The following GLIS1 variants were observed in gnomAD, a reference collection of about 807,000 sequenced individuals.
GLIS1 encodes the protein GLIS family zinc finger 1.
Under a neutral mutation model 63.8 loss-of-function variants are expected in GLIS1, and 24 were observed. The ratio of observed to expected loss-of-function variants is 0.38; its 90% CI spans 0.27 to 0.53. The LOEUF is 0.53. GLIS1 is among the 20% of genes least tolerant of loss of function. The pLI is 0.85. For missense variants in GLIS1, 1,036 were observed against 1,074.1 expected, an observed-to-expected ratio of 0.96 and a Z score of 0.50; for synonymous variants, 450 against 482.5, an observed-to-expected ratio of 0.93 and a Z score of 0.88.
chr1:53,566,566 A>T (rs1209824618), intron 4 of GLIS1, among the ~76,000 whole-genome samples: 1 of 152,258 alleles, frequency 6.6e-6, no homozygotes, highest in Non-Finnish European at 1.5e-5. Flanking sequence ...GGAAAATGAC[A>T]AACCTCTGAT....
chr1:53,714,567 T>C (rs1646678566), intron 2 of GLIS1, among the ~76,000 whole-genome samples: 1 of 152,240 alleles, frequency 6.6e-6, no homozygotes, highest in Non-Finnish European at 1.5e-5. Context: ...GTCTGAAAGA[T>C]GGTCCCCATC....
At position 53,653,844 on chromosome 1, in the gene GLIS1, C is replaced by G. The variant is rs1289011594; in HGVS notation, c.260-53566G>C. On this transcript the variant is annotated intron_variant, in intron 2 of 10. Coordinates refer to ENST00000628545, the MANE Select transcript of GLIS1 (RefSeq NM_001367484.1). ...CATGCATCTCCTGATCCCTGGCCCTCCTCTGGCCCCCACCCTACAGGCTGC... is the reference window on the plus strand; with the variant it reads ...CATGCATCTCCTGATCCCTGGCCCTGCTCTGGCCCCCACCCTACAGGCTGC... 2.6e-5 allele frequency among the ~76,000 whole-genome samples: 4 copies of G among 152,332 alleles called. No homozygotes were observed. The East Asian group carries it at 5.8e-4, about 22-fold the overall frequency.
intron 4 of GLIS1, among the ~76,000 whole-genome samples, chr1:53,551,799 G>A (rs759622355): frequency 2.6e-5 from 4 of 152,008 alleles, no homozygotes; most frequent in South Asian, 2.1e-4. Flanking sequence ...TGTGCCCACC[G>A]CCTTCCCTGG....
chr1:53,651,247 G>A (rs1354880395), intron 2 of GLIS1, among the ~76,000 whole-genome samples: 2 of 152,176 alleles, frequency 1.3e-5, no homozygotes, highest in African/African-American at 4.8e-5. Context: ...TGTGGAAGTC[G>A]TTTTCTACTA....
At chr1:53,719,693 T>C (rs1646734196) in intron 2 of GLIS1, among the ~76,000 whole-genome samples, 1 of 150,166 alleles carries the variant, frequency 6.7e-6, no homozygotes, top group African/African-American at 2.5e-5. Flanking sequence ...GGGGGTGGAG[T>C]GGGAGTTGAA....
intron 2 of GLIS1, among the ~76,000 whole-genome samples, chr1:53,659,703 C>T (rs538045982): frequency 3.5e-4 from 54 of 152,296 alleles, no homozygotes; most frequent in Admixed American, 3.3e-3. Context: ...AGGGGCTGAG[C>T]GCCTGGACCC....
At chr1:53,632,721 G>A (rs1285264141) in intron 2 of GLIS1, among the ~76,000 whole-genome samples, 3 of 150,468 alleles carry the variant, frequency 2.0e-5, no homozygotes, top group African/African-American at 7.4e-5. Context: ...GTGTGACTGA[G>A]GGGCATGTAT....
At chr1:53,590,160 T>A (rs1645174434) in intron 4 of GLIS1, among the ~76,000 whole-genome samples, 1 of 152,178 alleles carries the variant, frequency 6.6e-6, no homozygotes, top group South Asian at 2.1e-4. Flanking sequence ...CTCCCTTACA[T>A]CATCTCTTTT....
chr1:53,640,900 G>A (rs1645780441), intron 2 of GLIS1, among the ~76,000 whole-genome samples: 1 of 152,108 alleles, frequency 6.6e-6, no homozygotes, highest in Non-Finnish European at 1.5e-5. Context: ...ATGCACAGCA[G>A]GACTGCGAGA....
At chr1:53,507,289 G>C (rs2100238660) in intron 10 of GLIS1, among the ~76,000 whole-genome samples, 1 of 152,278 alleles carries the variant, frequency 6.6e-6, no homozygotes, top group Non-Finnish European at 1.5e-5. Flanking sequence ...CCCTGCGGTG[G>C]GATTCACTAT....
intron 2 of GLIS1, among the ~76,000 whole-genome samples, chr1:53,632,985 GTGAA>G (rs1645679625): frequency 6.7e-6 from 1 of 148,680 alleles, no homozygotes; most frequent in African/African-American, 2.5e-5. Context: ...CGAGGGGTGT[GTGAA>G]TGAGTGTGAC....
At chr1:53,653,126 G>A (rs1645926656) in intron 2 of GLIS1, among the ~76,000 whole-genome samples, 1 of 152,210 alleles carries the variant, frequency 6.6e-6, no homozygotes, top group Non-Finnish European at 1.5e-5. Flanking sequence ...AGGTCGGACT[G>A]GGTAAGTGCA....
chr1:53,672,949 C>T (rs1454905047), intron 2 of GLIS1, among the ~76,000 whole-genome samples: 1 of 152,190 alleles, frequency 6.6e-6, no homozygotes, highest in Non-Finnish European at 1.5e-5. Flanking sequence ...CAGCGTGGGC[C>T]CTCCCCTAGG....
intron 2 of GLIS1, among the ~76,000 whole-genome samples, chr1:53,672,519 T>C (rs1412529571): frequency 1.3e-5 from 2 of 152,236 alleles, no homozygotes; most frequent in Non-Finnish European, 2.9e-5. Flanking sequence ...TGACTTATTG[T>C]GTGCTTCTCT....
chr1:53,633,109 TGA>T (rs768213770), intron 2 of GLIS1, among the ~76,000 whole-genome samples: 4 of 132,790 alleles, frequency 3.0e-5, no homozygotes, highest in East Asian at 2.5e-4. Context: ...GAGGGGTGTG[TGA>T]GTGTGACTGA....
In GLIS1 at chr1:53,725,674, G is replaced by A. The variant is rs974541143; in HGVS notation, c.259+12132C>T. 5.9e-5 allele frequency among the ~76,000 whole-genome samples: 9 copies of A among 152,340 alleles called. No homozygotes were observed. In the South Asian group the frequency reaches 1.2e-3, roughly 21 times the overall value. On this transcript the variant is annotated intron_variant, in intron 2 of 10. Transcript: ENST00000628545. The stretch of plus-strand genomic sequence containing the variant: ...GTCCCAGGGCAGAACCCAACACTGG[G>A]AGCACAGCGGGCATCCGATAAATAT...
intron 2 of GLIS1, among the ~76,000 whole-genome samples, chr1:53,652,455 G>T (rs1436307993): frequency 6.6e-6 from 1 of 152,150 alleles, no homozygotes. Flanking sequence ...CTGCTGACCA[G>T]AAAAGAGGGT....
At chr1:53,644,116 C>T (rs1645816982) in intron 2 of GLIS1, among the ~76,000 whole-genome samples, 2 of 152,180 alleles carry the variant, frequency 1.3e-5, no homozygotes, top group South Asian at 4.1e-4. Context: ...CTACAAGACA[C>T]CATTTAGGGT....
chr1:53,704,951 C>T (rs1286317423), intron 2 of GLIS1, among the ~76,000 whole-genome samples: 1 of 152,186 alleles, frequency 6.6e-6, no homozygotes, highest in Non-Finnish European at 1.5e-5. Flanking sequence ...AGAGAGTCTC[C>T]TCCCCATTTT....
Sources: allele counts gnomAD v4.1 joint callset (sites outside exome capture counted in the v4.1 genomes callset), GRCh38; gene constraint gnomAD v4.1.1; transcripts MANE v1.5; gene names NCBI Gene and HGNC (gene_info 2026-07-23, HGNC 2026-07-21).